Variants in BACH2 observed in about 807,000 individuals in gnomAD.
BACH2 encodes transcription regulator protein BACH2.
BACH2 carries 5 observed loss-of-function variants against 61.8 expected under a neutral mutation model. The ratio of observed to expected loss-of-function variants is 0.08; its 90% confidence interval spans 0.04 to 0.17. The LOEUF is 0.17. Ranked by LOEUF, BACH2 falls within the 10% of genes least tolerant of loss-of-function variation. The pLI is 1.00. For synonymous variants in BACH2, 446 were observed against 440.1 expected (o/e 1.01, Z -0.17); for missense variants, 824 against 1,091.1 (o/e 0.76, Z 3.45).
intron 3 of BACH2, among the ~76,000 whole-genome samples, chr6:90,210,687 T>C (rs1223265947): frequency 6.6e-6 from 1 of 152,172 alleles, no homozygotes; most frequent in African/African-American, 2.4e-5. Context: ...TTTTAAGAAG[T>C]TGGATTCCTC....
At chr6:90,039,310 A>G (rs1359274358) in intron 5 of BACH2, among the ~76,000 whole-genome samples, 1 of 152,192 alleles carries the variant, frequency 6.6e-6, no homozygotes, top group Non-Finnish European at 1.5e-5. Context: ...AAAGGATATA[A>G]ACTTTGTAGT....
chr6:90,021,989 T>C (rs886097182), intron 5 of BACH2, among the ~76,000 whole-genome samples: 3 of 152,230 alleles, frequency 2.0e-5, no homozygotes, highest in Admixed American at 2.0e-4. Flanking sequence ...AATTGTATCA[T>C]CAAATCCTTA....
intron 4 of BACH2, among the ~76,000 whole-genome samples, chr6:90,201,154 C>T (rs1179282038): frequency 6.6e-6 from 1 of 152,086 alleles, no homozygotes; most frequent in Non-Finnish European, 1.5e-5. Context: ...TTGTGATGAA[C>T]ATTTTAGCTA....
intron 5 of BACH2, among the ~76,000 whole-genome samples, chr6:90,083,463 CAT>C (rs1781804756): frequency 1.3e-5 from 2 of 152,154 alleles, no homozygotes. Flanking sequence ...TTGAGCAGAA[CAT>C]AATCTGAATC....
intron 5 of BACH2, among the ~76,000 whole-genome samples, chr6:90,023,501 C>T (rs959861597): frequency 1.3e-5 from 2 of 152,212 alleles, no homozygotes; most frequent in African/African-American, 2.4e-5. Context: ...GCAGATACCA[C>T]CATGCTTCCT....
intron 5 of BACH2, among the ~76,000 whole-genome samples, chr6:90,044,561 A>G (rs1002947286): frequency 2.6e-5 from 4 of 152,208 alleles, no homozygotes; most frequent in African/African-American, 9.6e-5. Flanking sequence ...TTTGGCTTCC[A>G]TATGGAAAAT....
chr6:90,155,275 A>G (rs1784958440), intron 4 of BACH2, among the ~76,000 whole-genome samples: 1 of 152,228 alleles, frequency 6.6e-6, no homozygotes, highest in East Asian at 1.9e-4. Context: ...GGACTTCTAA[A>G]GGGAAACATT....
At chr6:90,231,965 T>C (rs1301543047) in intron 3 of BACH2, among the ~76,000 whole-genome samples, 2 of 152,204 alleles carry the variant, frequency 1.3e-5, no homozygotes, top group South Asian at 2.1e-4. Flanking sequence ...ACATGATATA[T>C]TTGGTCTGAG....
intron 8 of BACH2, 55 bp downstream of exon 8, chr6:89,938,089 T>C: frequency 1.3e-6 from 2 of 1,525,278 alleles, no homozygotes; most frequent in Non-Finnish European, 1.8e-6. Flanking sequence ...TGCTGTTACT[T>C]TACATTAGTC....
intron 5 of BACH2, among the ~76,000 whole-genome samples, chr6:90,036,044 C>T (rs1179017829): frequency 2.0e-5 from 3 of 151,790 alleles, no homozygotes; most frequent in African/African-American, 4.8e-5. Flanking sequence ...AGAGGAAGAA[C>T]CATTCTAAGA....
intron 3 of BACH2, among the ~76,000 whole-genome samples, chr6:90,249,274 C>T (rs1192175790): frequency 6.6e-6 from 1 of 152,140 alleles, no homozygotes; most frequent in Non-Finnish European, 1.5e-5. Flanking sequence ...CAGACAGGCA[C>T]TGTATGTGAT....
intron 3 of BACH2, among the ~76,000 whole-genome samples, chr6:90,243,925 ATTTTT>A (rs1318191999): frequency 6.6e-6 from 1 of 152,004 alleles, no homozygotes; most frequent in Non-Finnish European, 1.5e-5. Flanking sequence ...TTCATTTTTT[ATTTTT>A]TATTTTTGGG....
chr6:90,064,849 T>C (rs369764864), intron 5 of BACH2, among the ~76,000 whole-genome samples: 1 of 152,220 alleles, frequency 6.6e-6, no homozygotes, highest in African/African-American at 2.4e-5. Flanking sequence ...ACCTGGTACA[T>C]GGTACTTACA....
intron 3 of BACH2, among the ~76,000 whole-genome samples, chr6:90,251,215 T>G: frequency 6.6e-6 from 1 of 152,174 alleles, no homozygotes; most frequent in South Asian, 2.1e-4. Flanking sequence ...GATGGCCATT[T>G]TTTCCTAAAA....
chr6:90,046,599 C>T (rs2127792980), intron 5 of BACH2, among the ~76,000 whole-genome samples: 1 of 152,246 alleles, frequency 6.6e-6, no homozygotes, highest in Middle Eastern at 3.4e-3. Flanking sequence ...TTCAAAGGAG[C>T]TAGCCAGAAG....
intron 6 of BACH2, among the ~76,000 whole-genome samples, chr6:89,955,092 C>A (rs1196438052): frequency 6.6e-6 from 1 of 152,236 alleles, no homozygotes; most frequent in Non-Finnish European, 1.5e-5. Context: ...TCTTGTAACA[C>A]CCTGCAAGGC....
At chr6:90,256,937 AT>A (rs1055626235) in intron 2 of BACH2, among the ~76,000 whole-genome samples, 3 of 152,178 alleles carry the variant, frequency 2.0e-5, no homozygotes, top group African/African-American at 7.2e-5. Flanking sequence ...CATATTTGAA[AT>A]TTTTTTGGTT....
At chr6:90,244,809 T>G (rs1254338325) in intron 3 of BACH2, among the ~76,000 whole-genome samples, 1 of 152,198 alleles carries the variant, frequency 6.6e-6, no homozygotes, top group Non-Finnish European at 1.5e-5. Flanking sequence ...TCATGGGCCT[T>G]TCTAGCTCCA....
intron 2 of BACH2, among the ~76,000 whole-genome samples, chr6:90,253,985 T>TAAAG (rs1770896407): frequency 6.6e-6 from 1 of 152,226 alleles, no homozygotes; most frequent in African/African-American, 2.4e-5. Context: ...AGTGTATCTT[T>TAAAG]GTCTTACTGT....
Sources: allele counts gnomAD v4.1 joint callset (sites outside exome capture counted in the v4.1 genomes callset), GRCh38; gene constraint gnomAD v4.1.1; transcripts MANE v1.5; gene names NCBI Gene and HGNC (gene_info 2026-07-23, HGNC 2026-07-21).